The following BIK variants were observed in gnomAD, a reference collection of about 807,000 sequenced individuals.
BIK encodes the protein BCL2 interacting killer.
In BIK, 14 loss-of-function variants were observed where a neutral mutation model predicts 12.1. The ratio of observed to expected loss-of-function variants is 1.16; its 90% CI spans 0.77 to 1.81. The LOEUF (loss-of-function observed/expected upper bound fraction) is 1.81, where lower values mean the gene tolerates loss of function less well. Ranked by LOEUF, BIK falls within the 40% of genes most tolerant of loss-of-function variation. BIK has a pLI of 0.00. For missense variants in BIK, 215 were observed against 207.9 expected, an observed-to-expected ratio of 1.03 and a Z score of -0.21; for synonymous variants, 86 against 92.3, an observed-to-expected ratio of 0.93 and a Z score of 0.39.
chr22:43,129,312 G>C lies in BIK; in HGVS notation c.*7G>C. 2.5e-6 allele frequency: 4 copies of C among 1,596,776 alleles called. No homozygotes were observed. Among genetic ancestry groups the C allele is most frequent in the Non-Finnish European group, 3.4e-6 (4 of 1,178,240 alleles). ...GCACCTGCTGCTCAAGTGAGGCCCC[G>C]GCGGCTCAGGGCGGGGCTGGCCCCA... is the stretch of plus-strand genomic sequence containing the variant. On this transcript the variant is annotated 3_prime_UTR_variant, in exon 5 of 5. Transcript: ENST00000216115.
In BIK at chr22:43,118,322, C is replaced by T. The variant is rs118004518; in HGVS notation, c.-7-5694C>T. 7.9e-5 allele frequency among the ~76,000 whole-genome samples: 12 copies of T among 152,306 alleles called. No homozygotes were observed. The East Asian group carries it at 1.9e-3, about 25-fold the overall frequency. Reference sequence around the variant, plus strand: ...GCCTCTGGTCTCCTCTCTTCTAAGGCTGTTGATTGTGTTAACCAGCTTTTA... The same window carrying T: ...GCCTCTGGTCTCCTCTCTTCTAAGGTTGTTGATTGTGTTAACCAGCTTTTA... On this transcript the variant is annotated intron_variant, in intron 1 of 4. Transcript: ENST00000216115.
At chr22:43,126,310 T>A (rs967076777) in intron 2 of BIK, among the ~76,000 whole-genome samples, 3 of 151,988 alleles carry the variant, frequency 2.0e-5, no homozygotes, top group African/African-American at 7.2e-5. Flanking sequence ...CTCAGCCTCC[T>A]GAGTAGCTGG....
intron 1 of BIK, among the ~76,000 whole-genome samples, chr22:43,117,443 A>G (rs1447579211): frequency 7.0e-6 from 1 of 143,588 alleles, no homozygotes; most frequent in Non-Finnish European, 1.5e-5. Context: ...ATCTCGGCTT[A>G]CTGAAAGCTC....
intron 4 of BIK, 112 bp downstream of exon 4, chr22:43,128,737 CCTGTGTCCA>C: frequency 7.0e-7 from 1 of 1,423,524 alleles, no homozygotes; most frequent in African/African-American, 1.4e-5. Context: ...ATCTGTGTCA[CCTGTGTCCA>C]CATCTGCCTG....
intron 2 of BIK, among the ~76,000 whole-genome samples, chr22:43,126,570 G>A (rs764614670): frequency 1.3e-5 from 2 of 152,128 alleles, no homozygotes; most frequent in Non-Finnish European, 2.9e-5. Flanking sequence ...TTTCTACCCT[G>A]AGCCTGGAAG....
chr22:43,122,264 G>A (rs1195191193), intron 1 of BIK, among the ~76,000 whole-genome samples: 2 of 152,204 alleles, frequency 1.3e-5, no homozygotes, highest in Admixed American at 6.6e-5. Context: ...CTGTCAGCAG[G>A]CATGAGGAAT....
Position 43,128,639 on chromosome 22 carries a change from G to GA in BIK, c.390+15dup. 1 of 1,599,916 alleles carries GA rather than the reference G, an allele frequency of 6.3e-7. No individual in the cohort carries two copies. Among genetic ancestry groups the GA allele is most frequent in the Non-Finnish European group, 8.5e-7 (1 of 1,171,696 alleles). ...CCCGGGTCCTGGGTAAGAGCCTTGA[G>GA]ATCCCTGACCCTGACTTGCGCTGCG... is the stretch of plus-strand genomic sequence containing the variant. On this transcript the variant is annotated intron_variant, in intron 4 of 4. Coordinates refer to ENST00000216115, the MANE Select transcript of BIK (RefSeq NM_001197.5).
At chr22:43,121,244 C>T (rs932580955) in intron 1 of BIK, among the ~76,000 whole-genome samples, 1 of 152,148 alleles carries the variant, frequency 6.6e-6, no homozygotes, top group Non-Finnish European at 1.5e-5. Flanking sequence ...GAAACTGAGG[C>T]TGGTGCAGGA....
chr22:43,125,248 TC>T (rs1930291415), intron 2 of BIK, among the ~76,000 whole-genome samples: 1 of 152,134 alleles, frequency 6.6e-6, no homozygotes, highest in African/African-American at 2.4e-5. Context: ...ATCAGCAGGG[TC>T]TTTGTAACCT....
At chr22:43,114,048 G>A (rs1057435562) in intron 1 of BIK, among the ~76,000 whole-genome samples, 1 of 152,156 alleles carries the variant, frequency 6.6e-6, no homozygotes, top group South Asian at 2.1e-4. Flanking sequence ...TAAGTTCCTT[G>A]TTGGCCCCGA....
intron 1 of BIK, among the ~76,000 whole-genome samples, chr22:43,113,257 T>G (rs1266976075): frequency 6.6e-6 from 1 of 152,164 alleles, no homozygotes; most frequent in Non-Finnish European, 1.5e-5. Flanking sequence ...CTGTTACAGC[T>G]TGGGTACTCT....
intron 1 of BIK, among the ~76,000 whole-genome samples, chr22:43,115,353 G>A (rs1930090498): frequency 6.6e-6 from 1 of 152,152 alleles, no homozygotes; most frequent in Non-Finnish European, 1.5e-5. Flanking sequence ...GTTCATAGGG[G>A]AGACCCAAAC....
At chr22:43,127,996 C>T (rs1930354392) in intron 3 of BIK, among the ~76,000 whole-genome samples, 1 of 152,188 alleles carries the variant, frequency 6.6e-6, no homozygotes, top group Non-Finnish European at 1.5e-5. Flanking sequence ...CCCCTGCCAC[C>T]TGTCCCTGGC....
At chr22:43,116,527 C>T (rs995458555) in intron 1 of BIK, among the ~76,000 whole-genome samples, 16 of 151,662 alleles carry the variant, frequency 1.1e-4, no homozygotes, top group East Asian at 3.9e-4. Flanking sequence ...GGCATAATCT[C>T]GGCTCACTAC....
At chr22:43,121,181 A>T (rs1297477235) in intron 1 of BIK, among the ~76,000 whole-genome samples, 1 of 150,914 alleles carries the variant, frequency 6.6e-6, no homozygotes, top group African/African-American at 2.5e-5. Context: ...CTCAAAAACA[A>T]ACAAACAAAC....
intron 1 of BIK, among the ~76,000 whole-genome samples, chr22:43,119,879 A>T (rs1156568433): frequency 6.6e-6 from 1 of 152,030 alleles, no homozygotes; most frequent in Non-Finnish European, 1.5e-5. Flanking sequence ...CTGAGGTGGG[A>T]TGATTACCTG....
At chr22:43,123,881 TG>T (rs1396120652) in intron 1 of BIK, 134 bp from the exon 2 acceptor site, 17 of 873,486 alleles carry the variant, frequency 1.9e-5, no homozygotes, top group Non-Finnish European at 2.7e-5. Context: ...GAGCTGGGGT[TG>T]GGGGATATTG....
chr22:43,119,575 C>G (rs189401410), intron 1 of BIK, among the ~76,000 whole-genome samples: 1 of 151,786 alleles, frequency 6.6e-6, no homozygotes, highest in East Asian at 1.9e-4. Flanking sequence ...GATATGGAGT[C>G]TTGCCCTGTA....
At chr22:43,117,528 C>G (rs1367182382) in intron 1 of BIK, among the ~76,000 whole-genome samples, 1 of 139,092 alleles carries the variant, frequency 7.2e-6, no homozygotes, top group Non-Finnish European at 1.6e-5. Context: ...GCCACCACGC[C>G]CAGCTAATTT....
Sources: allele counts gnomAD v4.1 joint callset (sites outside exome capture counted in the v4.1 genomes callset), GRCh38; gene constraint gnomAD v4.1.1; transcripts MANE v1.5; gene names NCBI Gene and HGNC (gene_info 2026-07-23, HGNC 2026-07-21).